Variants in EZH2 observed in about 807,000 individuals in gnomAD.
The protein encoded by EZH2 is histone-lysine N-methyltransferase EZH2.
EZH2 carries 18 observed loss-of-function variants against 98.4 expected under a neutral mutation model. That is an observed-to-expected ratio of 0.18 (90% CI 0.13 to 0.27). The LOEUF (loss-of-function observed/expected upper bound fraction) is 0.27, where lower values mean the gene tolerates loss of function less well. Ranked by LOEUF, EZH2 falls within the 10% of genes least tolerant of loss-of-function variation. The pLI, the probability that EZH2 is intolerant of heterozygous loss-of-function variation, is 1.00. For synonymous variants in EZH2, 338 were observed against 312.3 expected (o/e 1.08, Z -0.87); for missense variants, 470 against 935.1 (o/e 0.50, Z 6.49).
chr7:148,859,701 C>T (rs1277020344), intron 1 of EZH2, among the ~76,000 whole-genome samples: 4 of 152,166 alleles, frequency 2.6e-5, no homozygotes, highest in South Asian at 2.1e-4. Context: ...CACCAACCAA[C>T]GGCAGTTCAC....
chr7:148,837,042 C>T (rs191701744), intron 3 of EZH2: 1 of 483,906 alleles, frequency 2.1e-6, no homozygotes, highest in East Asian at 4.9e-5. Flanking sequence ...TACTATGTGC[C>T]AAGCACTGTG....
chr7:148,867,323 A>G (rs537613919), intron 1 of EZH2, among the ~76,000 whole-genome samples: 1 of 152,068 alleles, frequency 6.6e-6, no homozygotes, highest in African/African-American at 2.4e-5. Flanking sequence ...CAAAACTCCC[A>G]TCTCAAAAAT....
At chr7:148,807,814 TAAAA>T (rs35866517) in intron 19 of EZH2, 108 bp from the exon 20 acceptor site, 27,902 of 396,804 alleles carry the variant, frequency 0.07, 21 homozygotes, top group East Asian at 0.086. Context: ...AAAATGTCTT[TAAAA>T]AAAAAAAAAA....
chr7:148,821,007 GA>G (rs751102883), intron 8 of EZH2: 14 of 152,150 alleles, frequency 9.2e-5, no homozygotes, highest in Non-Finnish European at 1.8e-4. Flanking sequence ...AAAGTAGGTA[GA>G]AAAGACAGTT....
At chr7:148,811,766 A>C (rs1803151957) in intron 15 of EZH2, 46 bp from the exon 16 acceptor site, 1 of 1,507,894 alleles carries the variant, frequency 6.6e-7, no homozygotes, top group Non-Finnish European at 9.1e-7. Flanking sequence ...GAGGGTGAAA[A>C]TGGACTGGGG....
At chr7:148,841,891 T>TC (rs1563006907) in intron 3 of EZH2, among the ~76,000 whole-genome samples, 1 of 151,708 alleles carries the variant, frequency 6.6e-6, no homozygotes, top group African/African-American at 2.4e-5. Flanking sequence ...TAGAAGCTTC[T>TC]CCCCCCAAAA....
chr7:148,843,155 C>T (rs1812914722), intron 3 of EZH2, among the ~76,000 whole-genome samples: 1 of 150,016 alleles, frequency 6.7e-6, no homozygotes. Context: ...TTGCAGTGAG[C>T]CGAGACTGCA....
intron 1 of EZH2, among the ~76,000 whole-genome samples, chr7:148,850,761 C>A (rs924419560): frequency 6.6e-6 from 1 of 152,174 alleles, no homozygotes; most frequent in South Asian, 2.1e-4. Flanking sequence ...GACCGCCCCC[C>A]GCCAACCCCA....
At position 148,813,998 on chromosome 7, in the gene EZH2, C is replaced by T. The variant is rs1179781042; in HGVS notation, c.1812G>A (p.Val604=). 1.2e-6 allele frequency: 2 copies of T among 1,614,084 alleles called. No homozygotes were observed. Among genetic ancestry groups the T allele is most frequent in the Non-Finnish European group, 8.5e-7 (1 of 1,180,006 alleles). ...GAADHWDSKN[V]SCKNCSIQRG... ...GCTGAATACTGCAGTTCTTGCAGGA[C>T]ACATTTTTACTGTCCCAATGGTCAG... is the stretch of plus-strand genomic sequence containing the variant. Residue 604 remains valine (V), a synonymous_variant, in exon 15 of 20, where the codon GTG becomes GTA. Coordinates refer to ENST00000320356, the MANE Select transcript of EZH2 (RefSeq NM_004456.5).
At position 148,810,428 on chromosome 7, in the gene EZH2, C is replaced by T; in HGVS notation, c.1948-14G>A. 1 of 1,587,200 alleles carries T rather than the reference C, an allele frequency of 6.3e-7. No homozygotes were observed. On this transcript the variant is annotated splice_polypyrimidine_tract_variant and intron_variant, in intron 16 of 19. Coordinates refer to ENST00000320356, the MANE Select transcript of EZH2 (RefSeq NM_004456.5). Reference sequence around the variant, plus strand: ...TTGAGAAATAATCTAAAAAGAAAGACACAGGAGAAAATTCTTTTGGATAAA... The same window carrying T: ...TTGAGAAATAATCTAAAAAGAAAGATACAGGAGAAAATTCTTTTGGATAAA...
intron 3 of EZH2, among the ~76,000 whole-genome samples, chr7:148,843,874 C>T (rs1474471730): frequency 1.3e-5 from 2 of 152,122 alleles, no homozygotes; most frequent in African/African-American, 2.4e-5. Flanking sequence ...GGATTACAGG[C>T]GTGAGCCACC....
At position 148,880,863 on chromosome 7, in the gene EZH2, G is replaced by C. The variant is rs12665889; in HGVS notation, c.-8+3301C>G. 2.0e-5 allele frequency among the ~76,000 whole-genome samples: 3 copies of C among 152,168 alleles called. No individual in the cohort carries two copies. The East Asian group carries it at 5.8e-4, about 29-fold the overall frequency. ...AAAAATAAGACAGAGCCTCTACCAG[G>C]AGGCACTTTGACTGTAGGGAAGAGA... is the stretch of plus-strand genomic sequence containing the variant. On this transcript the variant is annotated intron_variant, in intron 1 of 19. Coordinates refer to ENST00000320356, the MANE Select transcript of EZH2 (RefSeq NM_004456.5).
chr7:148,821,234 G>C (rs1403993314), intron 8 of EZH2, among the ~76,000 whole-genome samples: 2 of 152,094 alleles, frequency 1.3e-5, no homozygotes, highest in Non-Finnish European at 2.9e-5. Context: ...CTGAGAAACT[G>C]ATAAAACATG....
intron 4 of EZH2, 135 bp from the exon 5 acceptor site, chr7:148,829,983 A>C: frequency 3.6e-6 from 2 of 553,078 alleles, no homozygotes; most frequent in Non-Finnish European, 5.8e-6. Context: ...TCAGAGAGCA[A>C]ACTCTAAAAT....
chr7:148,823,577 T>G (rs1028300291), intron 8 of EZH2, among the ~76,000 whole-genome samples: 8 of 151,036 alleles, frequency 5.3e-5, no homozygotes, highest in Non-Finnish European at 8.8e-5. Flanking sequence ...CTAATAAAAG[T>G]GGAAGAGTGA....
rs746918834 is a variant in EZH2 at position 148,834,337 on chromosome 7, T to TTA, written c.247-1589_247-1588dup. Reference sequence around the variant, plus strand: ...GTAGTAAAATGAAACTGAAAAATCATTATATATATATATATACACACACAC... The same window carrying TTA: ...GTAGTAAAATGAAACTGAAAAATCATTATATATATATATATATACACACACAC... On this transcript the variant is annotated intron_variant, in intron 3 of 19. Coordinates refer to ENST00000320356, the MANE Select transcript of EZH2 (RefSeq NM_004456.5). Among the ~76,000 whole-genome samples, 1,247 of 142,740 alleles carry TTA rather than the reference T, an allele frequency of 8.7e-3. 10 individuals carry two copies. The highest frequency in any genetic ancestry group is 0.015 in the African/African-American group (543 of 35,758). The allele number at this position is 142,740 out of a possible 152,430, so 93.6% of individuals were successfully genotyped here.
chr7:148,854,138 C>A (rs369247350), intron 1 of EZH2, among the ~76,000 whole-genome samples: 13 of 152,158 alleles, frequency 8.5e-5, no homozygotes, highest in Middle Eastern at 3.2e-3. Flanking sequence ...TTGTCAGAGC[C>A]CTTATTGCTT....
In EZH2 at chr7:148,838,778, C is replaced by T. The variant is rs117620985; in HGVS notation, c.247-6028G>A. ...GTTCAAGTGAGTGGGCAAGACCAGGCGCAGTGGCTCAGGCCTGTAATCCCA... is the reference window on the plus strand; with the variant it reads ...GTTCAAGTGAGTGGGCAAGACCAGGTGCAGTGGCTCAGGCCTGTAATCCCA... On this transcript the variant is annotated intron_variant, in intron 3 of 19. Coordinates refer to ENST00000320356, the MANE Select transcript of EZH2 (RefSeq NM_004456.5). 8.2e-3 allele frequency among the ~76,000 whole-genome samples: 1,251 copies of T among 152,222 alleles called. 11 individuals are homozygous for T. The highest frequency in any genetic ancestry group is 0.012 in the Non-Finnish European group (791 of 68,016).
intron 1 of EZH2, among the ~76,000 whole-genome samples, chr7:148,872,078 C>T (rs1247150250): frequency 1.3e-5 from 2 of 152,152 alleles, no homozygotes; most frequent in East Asian, 3.8e-4. Context: ...CACCAAGCAA[C>T]CCAAATGTCC....
Sources: allele counts gnomAD v4.1 joint callset (sites outside exome capture counted in the v4.1 genomes callset), GRCh38; gene constraint gnomAD v4.1.1; transcripts MANE v1.5; gene names NCBI Gene and HGNC (gene_info 2026-07-23, HGNC 2026-07-21).